The following RAPGEF5 variants were observed in gnomAD, a reference collection of about 807,000 sequenced individuals.
The protein encoded by RAPGEF5 is Rap guanine nucleotide exchange factor 5, also known as M-Ras-regulated GEF.
RAPGEF5 carries 65 observed loss-of-function variants against 125.2 expected under a neutral mutation model. That is an observed-to-expected ratio of 0.52 (90% CI 0.43 to 0.64). The LOEUF (loss-of-function observed/expected upper bound fraction) is 0.64, where lower values mean the gene tolerates loss of function less well. Ranked by LOEUF, RAPGEF5 falls within the 30% of genes least tolerant of loss-of-function variation. The probability of loss-of-function intolerance (pLI) is 0.00; values close to 1 mark genes in which losing one functional copy is unlikely to be tolerated. For synonymous variants in RAPGEF5, 391 were observed against 385.9 expected, an observed-to-expected ratio of 1.01 and a Z score of -0.16; for missense variants, 958 against 1,048.1, an observed-to-expected ratio of 0.91 and a Z score of 1.19.
At chr7:22,282,840 T>C (rs960622051) in intron 6 of RAPGEF5, among the ~76,000 whole-genome samples, 6 of 152,112 alleles carry the variant, frequency 3.9e-5, no homozygotes, top group African/African-American at 1.2e-4. Flanking sequence ...CTCTGAGCTG[T>C]TCATAACAGC....
rs569551248 is a variant in RAPGEF5, at chr7:22,196,079, G to A, written c.997-2046C>T. Reference sequence around the variant, plus strand: ...AGGGGAAGAGCTGAATCATATTGATGTACTATCAATAGCATCTATGTCATT... The same window carrying A: ...AGGGGAAGAGCTGAATCATATTGATATACTATCAATAGCATCTATGTCATT... On this transcript the variant is annotated intron_variant, in intron 9 of 25. Transcript: ENST00000665637. Among the ~76,000 whole-genome samples the A allele has an allele frequency of 3.3e-5, 5 of 152,246 alleles. No individual in the cohort carries two copies. In the East Asian group the frequency reaches 9.7e-4, roughly 29 times the overall value.
At chr7:22,198,161 C>T (rs987882352) in intron 9 of RAPGEF5, among the ~76,000 whole-genome samples, 7 of 152,140 alleles carry the variant, frequency 4.6e-5, no homozygotes, top group African/African-American at 9.7e-5. Flanking sequence ...CAAAGAACAC[C>T]TTAAATCTCT....
intron 9 of RAPGEF5, among the ~76,000 whole-genome samples, chr7:22,217,080 T>C (rs1481474704): frequency 6.6e-6 from 1 of 152,238 alleles, no homozygotes; most frequent in African/African-American, 2.4e-5. Context: ...GTAATGAAGG[T>C]TAGTCAAAAG....
intron 23 of RAPGEF5, among the ~76,000 whole-genome samples, chr7:22,135,722 T>G (rs1050933952): frequency 6.6e-6 from 1 of 152,166 alleles, no homozygotes; most frequent in Non-Finnish European, 1.5e-5. Context: ...CTTGGTTGAA[T>G]TCGGTGGATT....
At chr7:22,188,053 A>G (rs1211627401) in intron 11 of RAPGEF5, among the ~76,000 whole-genome samples, 2 of 152,252 alleles carry the variant, frequency 1.3e-5, no homozygotes, top group Non-Finnish European at 2.9e-5. Flanking sequence ...CCTTACAGAA[A>G]TAAAAAGATA....
At chr7:22,159,070 A>T (rs1474629662) in intron 14 of RAPGEF5, among the ~76,000 whole-genome samples, 1 of 152,236 alleles carries the variant, frequency 6.6e-6, no homozygotes, top group Non-Finnish European at 1.5e-5. Flanking sequence ...CATGAAATAA[A>T]GTTTCCCAGC....
intron 5 of RAPGEF5, among the ~76,000 whole-genome samples, chr7:22,303,013 A>C (rs1783248528): frequency 2.0e-5 from 3 of 151,790 alleles, no homozygotes; most frequent in Admixed American, 2.0e-4. Flanking sequence ...AGCCCTACCC[A>C]CTCCCACCCC....
At chr7:22,284,067 C>CTGTG (rs1554273151) in intron 6 of RAPGEF5, among the ~76,000 whole-genome samples, 38,556 of 149,492 alleles carry the variant, frequency 0.26, 5,073 homozygotes, top group African/African-American at 0.3. Flanking sequence ...TTTTAAAAAG[C>CTGTG]TGTGTGTGTG....
At chr7:22,330,967 C>A (rs754843892) in intron 1 of RAPGEF5, among the ~76,000 whole-genome samples, 1 of 152,154 alleles carries the variant, frequency 6.6e-6, no homozygotes, top group African/African-American at 2.4e-5. Context: ...ACATATAGGA[C>A]GCTAGCTTCA....
intron 6 of RAPGEF5, among the ~76,000 whole-genome samples, chr7:22,273,118 C>A (rs1415168052): frequency 6.6e-6 from 1 of 151,812 alleles, no homozygotes; most frequent in African/African-American, 2.4e-5. Context: ...TCCCCAATAA[C>A]TGCTGTCATC....
intron 8 of RAPGEF5, among the ~76,000 whole-genome samples, chr7:22,230,220 G>T (rs1376633064): frequency 2.0e-5 from 3 of 152,164 alleles, no homozygotes; most frequent in African/African-American, 7.2e-5. Context: ...ACTGTTCCAT[G>T]TTTAATATTA....
At chr7:22,165,332 C>T (rs1411209162) in intron 12 of RAPGEF5, among the ~76,000 whole-genome samples, 1 of 152,088 alleles carries the variant, frequency 6.6e-6, no homozygotes, top group East Asian at 1.9e-4. Flanking sequence ...AGTTTAAAGG[C>T]ATCTCATTTG....
chr7:22,340,674 C>T (rs986439416), intron 1 of RAPGEF5, among the ~76,000 whole-genome samples: 25 of 152,316 alleles, frequency 1.6e-4, no homozygotes, highest in Non-Finnish European at 3.5e-4. Context: ...GTTCCCTGAC[C>T]AGGGCTTGGA....
At chr7:22,316,149 G>A (rs528165912) in intron 2 of RAPGEF5, among the ~76,000 whole-genome samples, 2 of 152,030 alleles carry the variant, frequency 1.3e-5, no homozygotes, top group South Asian at 4.2e-4. Flanking sequence ...TAGATCTAGA[G>A]GGGGCTAGGT....
intron 8 of RAPGEF5, among the ~76,000 whole-genome samples, chr7:22,222,724 A>G (rs749839013): frequency 2.6e-5 from 4 of 152,218 alleles, no homozygotes; most frequent in Non-Finnish European, 5.9e-5. Context: ...ACAGAGAATT[A>G]GCAAAATATG....
At chr7:22,333,881 G>A (rs1251934875) in intron 1 of RAPGEF5, among the ~76,000 whole-genome samples, 1 of 151,706 alleles carries the variant, frequency 6.6e-6, no homozygotes, top group Non-Finnish European at 1.5e-5. Flanking sequence ...CAGATGGACA[G>A]AGGGGAGCCA....
chr7:22,267,219 AC>A (rs1419106896), intron 6 of RAPGEF5, among the ~76,000 whole-genome samples: 1 of 152,216 alleles, frequency 6.6e-6, no homozygotes, highest in Non-Finnish European at 1.5e-5. Flanking sequence ...ATATTGAATT[AC>A]TTTTTTAAAA....
chr7:22,138,783 T>A (rs943090545), intron 21 of RAPGEF5, among the ~76,000 whole-genome samples: 3 of 152,236 alleles, frequency 2.0e-5, no homozygotes, highest in Admixed American at 2.0e-4. Flanking sequence ...CATAAGCTGG[T>A]TGAATCTAAT....
chr7:22,314,527 A>C (rs1304759652), intron 3 of RAPGEF5: 1 of 731,450 alleles, frequency 1.4e-6, no homozygotes, highest in Non-Finnish European at 1.7e-6. Flanking sequence ...CATAAAGCTA[A>C]GTTTATTTAA....
Sources: allele counts gnomAD v4.1 joint callset (sites outside exome capture counted in the v4.1 genomes callset), GRCh38; gene constraint gnomAD v4.1.1; transcripts MANE v1.5; gene names NCBI Gene and HGNC (gene_info 2026-07-23, HGNC 2026-07-21).